PDCD6: variants seen among roughly 807,000 people sequenced by gnomAD.
PDCD6 encodes the protein programmed cell death 6.
PDCD6 carries 12 observed loss-of-function variants against 28.3 expected under a neutral mutation model. The observed-to-expected ratio is 0.42, with a 90% confidence interval of 0.27 to 0.69. The LOEUF is 0.69. PDCD6 is among the 30% of genes least tolerant of loss of function. The probability of loss-of-function intolerance (pLI) is 0.22; values close to 1 mark genes in which losing one functional copy is unlikely to be tolerated. For missense variants in PDCD6, 226 were observed against 269.9 expected (o/e 0.84, Z 1.14); for synonymous variants, 92 against 108.0 (o/e 0.85, Z 0.92).
At chr5:283,789 A>G (rs1346493641) in intron 2 of PDCD6, among the ~76,000 whole-genome samples, 9 of 147,440 alleles carry the variant, frequency 6.1e-5, no homozygotes, top group African/African-American at 7.7e-5. Flanking sequence ...AGACCCATAG[A>G]AAAGCTAATG....
chr5:285,541 A>G (rs555690641), intron 2 of PDCD6, among the ~76,000 whole-genome samples: 2 of 150,956 alleles, frequency 1.3e-5, no homozygotes, highest in African/African-American at 4.9e-5. Context: ...TTCCAGTTTG[A>G]GGGCCGTGCA....
chr5:278,954 G>A (rs1250253785), intron 2 of PDCD6, among the ~76,000 whole-genome samples: 1 of 151,904 alleles, frequency 6.6e-6, no homozygotes, highest in Non-Finnish European at 1.5e-5. Flanking sequence ...TGTCTCACGG[G>A]GTGTGGGCCA....
At chr5:289,143 G>A (rs1739166081) in intron 2 of PDCD6, 4 of 1,103,834 alleles carry the variant, frequency 3.6e-6, no homozygotes, top group East Asian at 4.9e-5. Flanking sequence ...TTCTCTTGAT[G>A]TCATAAAAGA....
At position 271,759 on chromosome 5, in the gene PDCD6, C is replaced by T. The variant is rs779443968; in HGVS notation, c.39C>T (p.Gly13=). The T allele has an allele frequency of 2.7e-6, 4 of 1,474,224 alleles. No individual in the cohort carries two copies. The highest frequency in any genetic ancestry group is 2.7e-5 in the East Asian group (1 of 37,630). The allele number at this position is 1,474,224 out of a possible 1,614,324, so 91.3% of individuals were successfully genotyped here. The part of the protein sequence containing the change: ...AYSYRPGPGA[G]PGPAAGAALP... ...CTTACCGCCCCGGCCCTGGGGCCGG[C>T]CCTGGGCCTGCTGCAGGCGCGGCGC... Residue 13 remains glycine (G), a synonymous_variant, in exon 1 of 6, where the codon GGC becomes GGT. Transcript: ENST00000264933.
chr5:301,987 C>A (rs1238836037), intron 2 of PDCD6, among the ~76,000 whole-genome samples: 1 of 136,396 alleles, frequency 7.3e-6, no homozygotes, highest in Non-Finnish European at 1.5e-5. Context: ...GTGTGTATGC[C>A]TCGGGTTCAG....
intron 2 of PDCD6, among the ~76,000 whole-genome samples, chr5:274,023 G>C (rs186522957): frequency 3.4e-4 from 51 of 151,718 alleles, no homozygotes; most frequent in Middle Eastern, 6.8e-3. Context: ...AGAGAACCCG[G>C]AATCCAGTAG....
intron 2 of PDCD6, among the ~76,000 whole-genome samples, chr5:294,783 AAAC>A (rs1280738744): frequency 6.6e-6 from 1 of 152,338 alleles, no homozygotes; most frequent in South Asian, 2.1e-4. Context: ...AACTGGAAGA[AAAC>A]AAAATGTCCA....
intron 2 of PDCD6, among the ~76,000 whole-genome samples, chr5:281,179 A>G (rs1214756309): frequency 6.6e-6 from 1 of 152,286 alleles, no homozygotes; most frequent in East Asian, 1.9e-4. Flanking sequence ...AAGTTAACTC[A>G]TGAACATAAA....
chr5:296,203 A>C (rs374351198), intron 2 of PDCD6, among the ~76,000 whole-genome samples: 1 of 152,166 alleles, frequency 6.6e-6, no homozygotes, highest in Non-Finnish European at 1.5e-5. Context: ...CTCTGGGACA[A>C]TCAGGCCAGT....
intron 1 of PDCD6, 35 bp downstream of exon 1, chr5:271,856 C>G: frequency 8.1e-7 from 1 of 1,234,876 alleles, no homozygotes; most frequent in South Asian, 1.8e-5. Context: ...CCTCCCGCCT[C>G]CGCCGCGGCG....
At position 307,744 on chromosome 5, in the gene PDCD6, G is replaced by C. The variant is rs1371165228; in HGVS notation, c.367+984G>C. On this transcript the variant is annotated intron_variant, in intron 4 of 5. Transcript: ENST00000264933. This position sits in a 1 kb window ranked among gnomAD's most constrained non-coding sequence, Gnocchi z 6.1. ...CAGTGAGGAAAATTCGATTCTACTT[G>C]AGTACCTCCGAGATCCCTGGAGTCT... 6.6e-6 allele frequency among the ~76,000 whole-genome samples: 1 copy of C among 152,116 alleles called. No individual in the cohort carries two copies. The highest frequency in any genetic ancestry group is 1.9e-4 in the East Asian group (1 of 5,190).
intron 2 of PDCD6, among the ~76,000 whole-genome samples, chr5:300,960 C>T (rs763764734): frequency 6.6e-6 from 1 of 152,234 alleles, no homozygotes; most frequent in African/African-American, 2.4e-5. Context: ...GCGTGCCCGT[C>T]CAGATGGCAC....
chr5:288,194 G>A (rs956985526), intron 2 of PDCD6, among the ~76,000 whole-genome samples: 2 of 151,298 alleles, frequency 1.3e-5, no homozygotes, highest in East Asian at 1.9e-4. Context: ...TCTGAAAGAG[G>A]TGAACTCAAT....
chr5:301,608 T>A (rs994559136), intron 2 of PDCD6, among the ~76,000 whole-genome samples: 4 of 151,938 alleles, frequency 2.6e-5, no homozygotes, highest in African/African-American at 9.7e-5. Context: ...TGTGTATGCC[T>A]CAGGTTCAGG....
intron 2 of PDCD6, among the ~76,000 whole-genome samples, chr5:293,274 A>G (rs1216997387): frequency 4.2e-4 from 59 of 139,322 alleles, no homozygotes; most frequent in East Asian, 2.4e-3. Flanking sequence ...AGCTGCAAAC[A>G]CCCACGATAC....
At chr5:273,679 A>G (rs1249587385) in intron 2 of PDCD6, among the ~76,000 whole-genome samples, 38 of 144,064 alleles carry the variant, frequency 2.6e-4, no homozygotes, top group Admixed American at 1.9e-3. Context: ...ACACTGCCTC[A>G]CTGCGCTGTG....
chr5:287,461 G>A (rs1180689522), intron 2 of PDCD6, among the ~76,000 whole-genome samples: 1 of 151,918 alleles, frequency 6.6e-6, no homozygotes, highest in Non-Finnish European at 1.5e-5. Context: ...TTTGTTTTCT[G>A]TCTAATGAGA....
intron 2 of PDCD6, among the ~76,000 whole-genome samples, chr5:279,323 C>G (rs889265185): frequency 3.3e-5 from 5 of 152,090 alleles, no homozygotes; most frequent in Admixed American, 3.3e-4. Context: ...AGACACGGCA[C>G]AAGCAGAAGC....
intron 2 of PDCD6, among the ~76,000 whole-genome samples, chr5:299,268 T>C: frequency 1.1e-5 from 1 of 92,176 alleles, no homozygotes; most frequent in African/African-American, 4.7e-5. Flanking sequence ...CCCCCAGCTG[T>C]TCTCAGGTTT....
Sources: allele counts gnomAD v4.1 joint callset (sites outside exome capture counted in the v4.1 genomes callset), GRCh38; gene constraint gnomAD v4.1.1; non-coding constraint Gnocchi (gnomAD v3.1); transcripts MANE v1.5; gene names NCBI Gene and HGNC (gene_info 2026-07-23, HGNC 2026-07-21).